Variants in NEBL observed in about 807,000 individuals in gnomAD.
NEBL encodes nebulette, also known as LIM and SH3 protein 2.
NEBL carries 122 observed loss-of-function variants against 140.2 expected under a neutral mutation model. The observed-to-expected ratio is 0.87, with a 90% confidence interval of 0.75 to 1.01. The LOEUF (loss-of-function observed/expected upper bound fraction) is 1.01, where lower values mean the gene tolerates loss of function less well. Ranked by LOEUF, NEBL falls within the 50% of genes least tolerant of loss-of-function variation. The probability of loss-of-function intolerance (pLI) is 0.00; values close to 1 mark genes in which losing one functional copy is unlikely to be tolerated. For missense variants in NEBL, 1,365 were observed against 1,231.3 expected (o/e 1.11, Z -1.62); for synonymous variants, 436 against 398.9 (o/e 1.09, Z -1.11).
intron 1 of NEBL, among the ~76,000 whole-genome samples, chr10:21,268,334 G>C (rs1415557441): frequency 1.3e-5 from 2 of 151,830 alleles, no homozygotes; most frequent in Non-Finnish European, 2.9e-5. Flanking sequence ...AGTTAGCCTA[G>C]CATAGTGGCA....
upstream of NEBL, among the ~76,000 whole-genome samples, chr10:20,897,920 C>T (rs933177071): frequency 1.1e-4 from 16 of 152,110 alleles, no homozygotes; most frequent in African/African-American, 3.9e-4. Flanking sequence ...TAATTGTAAA[C>T]ATCATTAAAC....
intron 10 of NEBL, 98 bp downstream of exon 10, chr10:20,852,447 T>A (rs1842633067): frequency 1.3e-6 from 1 of 794,562 alleles, no homozygotes; most frequent in Non-Finnish European, 2.2e-6. Context: ...TCTGCAACTG[T>A]ACTTTCTCAG....
intron 1 of NEBL, among the ~76,000 whole-genome samples, chr10:21,267,356 T>C (rs940935358): frequency 9.3e-5 from 14 of 150,244 alleles, no homozygotes; most frequent in Non-Finnish European, 1.3e-4. Context: ...TCAAGTGATC[T>C]GCCCACCTCG....
At chr10:21,219,137 C>T (rs1256895447) in intron 3 of NEBL, among the ~76,000 whole-genome samples, 3 of 152,152 alleles carry the variant, frequency 2.0e-5, no homozygotes, top group Non-Finnish European at 4.4e-5. Context: ...AGACATCAGC[C>T]TTTGATTTGT....
chr10:21,104,288 T>C (rs903596649), intron 2 of NEBL, among the ~76,000 whole-genome samples: 14 of 152,230 alleles, frequency 9.2e-5, no homozygotes, highest in Admixed American at 7.2e-4. Context: ...GGAATTTCAA[T>C]TGAAATCATG....
At chr10:21,058,973 G>A (rs1181774833) in intron 2 of NEBL, among the ~76,000 whole-genome samples, 2 of 152,042 alleles carry the variant, frequency 1.3e-5, no homozygotes, top group African/African-American at 2.4e-5. Flanking sequence ...CCTATATATT[G>A]GGTGTTTGTG....
chr10:21,176,751 C>T (rs1354047635), upstream of NEBL, among the ~76,000 whole-genome samples: 3 of 152,136 alleles, frequency 2.0e-5, no homozygotes, highest in Non-Finnish European at 4.4e-5. Flanking sequence ...AATCCTTTTC[C>T]GCTGACAGGG....
chr10:21,143,329 A>G (rs1476300969), intron 2 of NEBL, among the ~76,000 whole-genome samples: 5 of 151,278 alleles, frequency 3.3e-5, no homozygotes, highest in African/African-American at 1.2e-4. Flanking sequence ...GGTGTCTGTA[A>G]TCCCAGCTAC....
chr10:21,142,653 G>A (rs1051705073), intron 2 of NEBL, among the ~76,000 whole-genome samples: 3 of 152,216 alleles, frequency 2.0e-5, no homozygotes, highest in African/African-American at 7.2e-5. Context: ...ACAGGAGATA[G>A]ACTATATCAG....
intron 2 of NEBL, among the ~76,000 whole-genome samples, chr10:21,039,936 C>A (rs1009659660): frequency 5.3e-5 from 8 of 152,090 alleles, no homozygotes; most frequent in African/African-American, 1.9e-4. Context: ...TGCAGTAGAC[C>A]GTGACATGTG....
At position 21,030,450 on chromosome 10, in the gene NEBL, C is replaced by A. The variant is rs926343099; in HGVS notation, c.165-10249G>T. 1.1e-5 allele frequency: 8 copies of A among 696,732 alleles called. No homozygotes were observed. The East Asian group carries it at 3.0e-4, about 26-fold the overall frequency. The allele number at this position is 696,732 out of a possible 1,614,324, so 43.2% of individuals were successfully genotyped here. ...GAGGAAGACTGTCACTCTCCAACTT[C>A]TAAATCTACCAAAACTGATCAGCCC... On this transcript the variant is annotated intron_variant, in intron 2 of 6. Coordinates refer to the NEBL transcript ENST00000417816.
rs1320720685 is a variant in NEBL, at chr10:20,784,077, T to C, written c.*1670A>G. 1 of 152,226 alleles carries C rather than the reference T, an allele frequency of 6.6e-6. No individual in the cohort carries two copies. Among genetic ancestry groups the C allele is most frequent in the Non-Finnish European group, 1.5e-5 (1 of 68,040 alleles). 9.4% of individuals were successfully genotyped at this position (152,226 alleles called of 1,614,324 possible). A position where few individuals can be genotyped will look rare whatever the true frequency, so the allele number is the denominator to read the frequency against. On this transcript the variant is annotated 3_prime_UTR_variant, in exon 28 of 28. Transcript: ENST00000377122. ...CTTTGGCCTTTGGACTAGTAAACGT[T>C]TCCTTAAACGATGTTTTACAGGATG...
At chr10:20,848,302 A>G (rs942596197) in intron 11 of NEBL, among the ~76,000 whole-genome samples, 1 of 152,258 alleles carries the variant, frequency 6.6e-6, no homozygotes, top group African/African-American at 2.4e-5. Context: ...AGGGAAATTT[A>G]TTCCATTAAA....
At chr10:20,900,307 G>C (rs1847806284), upstream of NEBL, among the ~76,000 whole-genome samples, 1 of 152,166 alleles carries the variant, frequency 6.6e-6, no homozygotes, top group African/African-American at 2.4e-5. Context: ...ATGTCCTCTA[G>C]GGCAAATTAT....
At chr10:21,194,465 C>T (rs762476861) in intron 3 of NEBL, among the ~76,000 whole-genome samples, 107 of 152,142 alleles carry the variant, frequency 7.0e-4, no homozygotes, top group Non-Finnish European at 1.2e-3. Context: ...GAACTAATTA[C>T]TAATTTTTAT....
chr10:20,938,815 A>T (rs955879139), intron 4 of NEBL, among the ~76,000 whole-genome samples: 1 of 152,232 alleles, frequency 6.6e-6, no homozygotes, highest in African/African-American at 2.4e-5. Context: ...AGCCGATGCG[A>T]TCAACTGGAA....
chr10:20,799,871 C>T (rs547436848), intron 26 of NEBL, among the ~76,000 whole-genome samples: 2 of 151,912 alleles, frequency 1.3e-5, no homozygotes, highest in South Asian at 2.1e-4. Flanking sequence ...GATACATATA[C>T]GTGGTAAAAT....
At position 20,814,946 on chromosome 10, in the gene NEBL, A is replaced by G. The variant is rs1254933529; in HGVS notation, c.2241+679T>C. 2.6e-5 allele frequency among the ~76,000 whole-genome samples: 4 copies of G among 152,200 alleles called. No homozygotes were observed. The East Asian group carries it at 7.7e-4, about 29-fold the overall frequency. ...AGCCTAAATGCTGATTCTCAGGCAAACAGCTATTCAGGGTATGCTAAGAAA... is the reference window on the plus strand; with the variant it reads ...AGCCTAAATGCTGATTCTCAGGCAAGCAGCTATTCAGGGTATGCTAAGAAA... On this transcript the variant is annotated intron_variant, in intron 22 of 27. Transcript: ENST00000377122.
intron 3 of NEBL, among the ~76,000 whole-genome samples, chr10:20,965,376 C>T (rs183357851): frequency 1.1e-4 from 17 of 152,254 alleles, no homozygotes; most frequent in Non-Finnish European, 1.5e-5. Context: ...TCAGGGAAGT[C>T]CCCAGTAAGA....
Sources: allele counts gnomAD v4.1 joint callset (sites outside exome capture counted in the v4.1 genomes callset), GRCh38; gene constraint gnomAD v4.1.1; transcripts MANE v1.5; gene names NCBI Gene and HGNC (gene_info 2026-07-23, HGNC 2026-07-21).